The following PRELID2 variants were observed in gnomAD, a reference collection of about 807,000 sequenced individuals.
PRELID2 encodes the protein PRELI domain-containing protein 2.
PRELID2 carries 25 observed loss-of-function variants against 28.4 expected under a neutral mutation model. The ratio of observed to expected loss-of-function variants is 0.88; its 90% CI spans 0.64 to 1.23. The LOEUF (loss-of-function observed/expected upper bound fraction) is 1.23. Among genes scored for constraint, PRELID2 ranks in the 50% most tolerant of loss-of-function variants. The pLI is 0.00. For synonymous variants in PRELID2, 76 were observed against 71.6 expected, an observed-to-expected ratio of 1.06 and a Z score of -0.31; for missense variants, 201 against 214.4, an observed-to-expected ratio of 0.94 and a Z score of 0.39.
chr5:145,259,495 A>G, the PRELID2 span, among the ~76,000 whole-genome samples: 4 of 152,340 alleles, frequency 2.6e-5, no homozygotes, highest in Admixed American at 6.5e-5. Context: ...GATGTGGGAT[A>G]TGATGCCAAA....
chr5:145,802,523 G>C (rs1192899856), intron 4 of PRELID2, among the ~76,000 whole-genome samples: 1 of 152,140 alleles, frequency 6.6e-6, no homozygotes, highest in South Asian at 2.1e-4. Context: ...AGCAAAAGAA[G>C]GCAAGAAATA....
At chr5:145,453,587 A>G in the PRELID2 span, among the ~76,000 whole-genome samples, 2 of 151,902 alleles carry the variant, frequency 1.3e-5, no homozygotes, top group Non-Finnish European at 2.9e-5. Context: ...ATCTACATTA[A>G]ATATTTCTCC....
At chr5:145,295,992 G>T in the PRELID2 span, among the ~76,000 whole-genome samples, 1 of 152,038 alleles carries the variant, frequency 6.6e-6, no homozygotes. Flanking sequence ...TTGGTGCAAA[G>T]CTGCTAAGAT....
chr5:145,281,580 A>T, the PRELID2 span, among the ~76,000 whole-genome samples: 152 of 152,340 alleles, frequency 1.0e-3, no homozygotes, highest in African/African-American at 3.6e-3. Flanking sequence ...ATAAGACAGT[A>T]ATGACAACAC....
intron 1 of PRELID2, among the ~76,000 whole-genome samples, chr5:145,656,731 A>G (rs1754402948): frequency 7.6e-6 from 1 of 130,882 alleles, no homozygotes; most frequent in African/African-American, 2.8e-5. Flanking sequence ...GAAGGGGAAC[A>G]TCACACACCA....
chr5:145,835,333 GC>G lies in PRELID2; in HGVS notation c.-83del. On this transcript the variant is annotated 5_prime_UTR_variant, in exon 1 of 7. Coordinates refer to ENST00000683046, the MANE Select transcript of PRELID2 (RefSeq NM_205846.3). Reference sequence around the variant, plus strand: ...CAGGGCTCCGCAGAGGCCCGGAGGCGCCCACACTCGGACAGCCACATGGGCG... The same window carrying G: ...CAGGGCTCCGCAGAGGCCCGGAGGCGCCACACTCGGACAGCCACATGGGCG... The G allele has an allele frequency of 1.1e-6, 1 of 887,616 alleles. No individual in the cohort carries two copies. The highest frequency in any genetic ancestry group is 1.6e-5 in the South Asian group (1 of 63,988). The allele number at this position is 887,616 out of a possible 1,614,324, so 55.0% of individuals were successfully genotyped here.
the PRELID2 span, chr5:145,229,036 C>A: frequency 6.2e-7 from 1 of 1,601,024 alleles, no homozygotes. Context: ...TTCATCTGGG[C>A]GGCCATCCAG....
At chr5:145,433,620 G>A in the PRELID2 span, among the ~76,000 whole-genome samples, 1 of 151,978 alleles carries the variant, frequency 6.6e-6, no homozygotes, top group Non-Finnish European at 1.5e-5. Context: ...TACCAGCCAG[G>A]TACCCTCTCC....
chr5:145,571,931 G>A (rs955535438), intron 1 of PRELID2, among the ~76,000 whole-genome samples: 3 of 150,136 alleles, frequency 2.0e-5, no homozygotes, highest in East Asian at 2.0e-4. Flanking sequence ...GCTGTGAGCC[G>A]AGATTACACC....
At chr5:145,766,454 A>G (rs1757768671) in intron 5 of PRELID2, among the ~76,000 whole-genome samples, 1 of 152,154 alleles carries the variant, frequency 6.6e-6, no homozygotes, top group African/African-American at 2.4e-5. Flanking sequence ...ATGGGGACGG[A>G]GGGTAATCAA....
rs187175693 is a variant in PRELID2, at chr5:145,517,942, G to A, written n.71-44627C>T. ...CACTCATAAGTGGGTGTTGAACTATGAGAACACATGGACACAGGGTTGGGA... is the reference window on the plus strand; with the variant it reads ...CACTCATAAGTGGGTGTTGAACTATAAGAACACATGGACACAGGGTTGGGA... On this transcript the variant is annotated intron_variant and non_coding_transcript_variant, in intron 1 of 2. Coordinates refer to the PRELID2 transcript ENST00000510259. Among the ~76,000 whole-genome samples the A allele has an allele frequency of 2.3e-3, 357 of 152,112 alleles. 1 individual carries two copies. Among genetic ancestry groups the A allele is most frequent in the African/African-American group, 8.1e-3 (336 of 41,498 alleles).
At chr5:145,740,890 ATT>A (rs1756685923) in intron 1 of PRELID2, among the ~76,000 whole-genome samples, 2 of 103,398 alleles carry the variant, frequency 1.9e-5, no homozygotes, top group Non-Finnish European at 3.6e-5. Flanking sequence ...ATGTACATAT[ATT>A]TATCGATAAA....
the PRELID2 span, among the ~76,000 whole-genome samples, chr5:145,431,130 G>T: frequency 5.1e-4 from 75 of 147,876 alleles, no homozygotes; most frequent in African/African-American, 1.7e-3. Flanking sequence ...ACAAAATACG[G>T]TGGGAAATAG....
chr5:145,803,790 T>C (rs1417607574), intron 4 of PRELID2, among the ~76,000 whole-genome samples: 1 of 129,870 alleles, frequency 7.7e-6, no homozygotes, highest in African/African-American at 3.0e-5. Context: ...ACTGTGAAAA[T>C]CCAGCCCGAG....
At chr5:145,305,147 T>C in the PRELID2 span, among the ~76,000 whole-genome samples, 5 of 151,944 alleles carry the variant, frequency 3.3e-5, no homozygotes, top group African/African-American at 1.2e-4. Flanking sequence ...GCCCAAAGGA[T>C]AGAGAGAATA....
At chr5:145,664,721 C>T (rs1482247213) in intron 1 of PRELID2, among the ~76,000 whole-genome samples, 1 of 152,110 alleles carries the variant, frequency 6.6e-6, no homozygotes, top group African/African-American at 2.4e-5. Context: ...GGCAAAACCA[C>T]TTTGACAGGT....
intron 1 of PRELID2, among the ~76,000 whole-genome samples, chr5:145,568,531 G>A (rs1334312403): frequency 6.6e-6 from 1 of 152,114 alleles, no homozygotes; most frequent in Non-Finnish European, 1.5e-5. Flanking sequence ...TATGATAATG[G>A]TTTTATATTA....
At chr5:145,539,581 T>A (rs1423972809) in intron 1 of PRELID2, among the ~76,000 whole-genome samples, 2 of 151,972 alleles carry the variant, frequency 1.3e-5, no homozygotes, top group Non-Finnish European at 2.9e-5. Flanking sequence ...TTATAAAAAA[T>A]ATACTCAAAA....
chr5:145,304,645 T>C, the PRELID2 span, among the ~76,000 whole-genome samples: 2 of 152,132 alleles, frequency 1.3e-5, no homozygotes, highest in Admixed American at 6.6e-5. Flanking sequence ...CTGCAAAGAA[T>C]ATAGCCTGTC....
Sources: gnomAD v4.1 joint callset for allele counts (sites outside exome capture counted in the v4.1 genomes callset) on GRCh38, gnomAD v4.1.1 for gene constraint, MANE v1.5 for transcripts, NCBI Gene and HGNC (gene_info 2026-07-23, HGNC 2026-07-21) for gene names.